GON4L: variants seen among roughly 807,000 people sequenced by gnomAD.
GON4L encodes GON-4-like protein.
GON4L carries 87 observed loss-of-function variants against 211.8 expected under a neutral mutation model. The observed-to-expected ratio is 0.41, with a 90% confidence interval of 0.35 to 0.49. The LOEUF (loss-of-function observed/expected upper bound fraction) is 0.49, where lower values mean the gene tolerates loss of function less well. Among genes scored for constraint, GON4L ranks in the 20% least tolerant of loss-of-function variants. The pLI, the probability that GON4L is intolerant of heterozygous loss-of-function variation, is 0.15. For missense variants in GON4L, 2,155 were observed against 2,659.5 expected (o/e 0.81, Z 4.17); for synonymous variants, 875 against 962.6 (o/e 0.91, Z 1.68).
chr1:155,836,254 T>G (rs1465718357), intron 2 of GON4L, among the ~76,000 whole-genome samples: 1 of 149,510 alleles, frequency 6.7e-6, no homozygotes, highest in African/African-American at 2.5e-5. Flanking sequence ...TTTTCGTTTT[T>G]TTTTTTTTTT....
chr1:155,765,804 A>T lies in GON4L; in HGVS notation c.3669T>A (p.Asp1223Glu). ...VNLPIPSTPEDKAHVNVDIAC... is the reference protein window; with the variant it reads ...VNLPIPSTPEEKAHVNVDIAC... ...CAATGTCCACATTCACGTGGGCCTT[A>T]TCTTCAGGGGTGGATGGTATAGGAA... The change falls in exon 21 of 32, where the codon GAT becomes GAA. Residue 1223 changes from aspartate to glutamate, a missense_variant. Physicochemically the swap from Asp to Glu is conservative, Grantham distance 45. This residue lies in a region of GON4L where 615 missense variants were observed against 625.7 expected (regional missense o/e 0.98). Coordinates refer to ENST00000368331, the MANE Select transcript of GON4L (RefSeq NM_001282860.2). 2 of 1,614,202 alleles carry T rather than the reference A, an allele frequency of 1.2e-6. No homozygotes were observed. Among genetic ancestry groups the T allele is most frequent in the South Asian group, 2.2e-5 (2 of 91,084 alleles).
chr1:155,820,366 C>A (rs1668623564), intron 6 of GON4L, among the ~76,000 whole-genome samples: 1 of 152,160 alleles, frequency 6.6e-6, no homozygotes, highest in Admixed American at 6.5e-5. Context: ...CTATTGATTT[C>A]AACTATTCCA....
At chr1:155,756,900 G>T in intron 27 of GON4L, 58 bp downstream of exon 27, 1 of 1,369,296 alleles carries the variant, frequency 7.3e-7, no homozygotes, top group Non-Finnish European at 1.0e-6. Context: ...CTGCACTCTA[G>T]TTTGGGTGAC....
At chr1:155,854,425 G>C (rs1672092027) in intron 1 of GON4L, among the ~76,000 whole-genome samples, 1 of 152,164 alleles carries the variant, frequency 6.6e-6, no homozygotes, top group Non-Finnish European at 1.5e-5. Flanking sequence ...AAAGTGCTGG[G>C]ATTACAGGCG....
chr1:155,829,066 T>C lies in GON4L; in HGVS notation c.506-2038A>G, dbSNP rs564937375. 2.6e-5 allele frequency among the ~76,000 whole-genome samples: 4 copies of C among 152,284 alleles called. No homozygotes were observed. In the East Asian group the frequency reaches 7.7e-4, roughly 29 times the overall value. On this transcript the variant is annotated intron_variant, in intron 2 of 31. Coordinates refer to ENST00000368331, the MANE Select transcript of GON4L (RefSeq NM_001282860.2). ...TTTCAAAACACATGGCCAGTCTTTA[T>C]ACTTGGGTCTCACTCTGTCGCCTAG...
chr1:155,826,976 G>A lies in GON4L; in HGVS notation c.558C>T (p.Ser186=). ...GCTGGCTTACTGGTTTTGCAGATTG[G>A]CTGCCTGATGGCAGGGAAGGTATCT... ...EGEIPSLPSG[S]QSAKPVSQPR... is the part of the protein sequence containing the mutation. The change falls in exon 3 of 32, where the codon AGC becomes AGT. Residue 186 remains serine, a synonymous_variant. Coordinates refer to ENST00000368331, the MANE Select transcript of GON4L (RefSeq NM_001282860.2). 1 of 1,613,966 alleles carries A rather than the reference G, an allele frequency of 6.2e-7. No individual in the cohort carries two copies. Among genetic ancestry groups the A allele is most frequent in the Non-Finnish European group, 8.5e-7 (1 of 1,179,824 alleles).
At chr1:155,858,487 C>T (rs1424213398), upstream of GON4L, among the ~76,000 whole-genome samples, 3 of 152,174 alleles carry the variant, frequency 2.0e-5, no homozygotes, top group African/African-American at 7.2e-5. Context: ...CCAAGGAAGA[C>T]TCCAGAAGCT....
intron 2 of GON4L, among the ~76,000 whole-genome samples, chr1:155,839,061 G>A (rs1003513663): frequency 3.3e-5 from 5 of 152,012 alleles, no homozygotes; most frequent in African/African-American, 1.2e-4. Context: ...TACCAAAGAA[G>A]ATGTGTTTTT....
intron 2 of GON4L, among the ~76,000 whole-genome samples, chr1:155,852,691 C>T (rs1026575481): frequency 2.0e-5 from 3 of 152,040 alleles, no homozygotes; most frequent in African/African-American, 4.8e-5. Flanking sequence ...TGCAGTGAGC[C>T]GAGACCACGC....
At chr1:155,748,320 C>T, downstream of GON4L, 1 of 1,421,782 alleles carries the variant, frequency 7.0e-7, no homozygotes, top group Middle Eastern at 2.4e-4. Context: ...TCCCCTGGGT[C>T]TCTCTGGTGT....
At chr1:155,789,840 T>C (rs1196605569) in intron 12 of GON4L, among the ~76,000 whole-genome samples, 5 of 151,862 alleles carry the variant, frequency 3.3e-5, no homozygotes, top group Non-Finnish European at 7.4e-5. Context: ...AATGATGTAG[T>C]ATTTGCATAT....
intron 29 of GON4L, 76 bp downstream of exon 29, chr1:155,753,128 G>C: frequency 9.0e-7 from 1 of 1,116,486 alleles, no homozygotes; most frequent in South Asian, 1.3e-5. Context: ...ATTTATCCAG[G>C]CTCATGGAGG....
intron 4 of GON4L, among the ~76,000 whole-genome samples, chr1:155,822,039 TGGAA>T (rs565620468): frequency 1.3e-3 from 197 of 152,288 alleles, no homozygotes; most frequent in African/African-American, 4.5e-3. Context: ...TGAAAATCAG[TGGAA>T]GGAAACAGGA....
At chr1:155,751,363 T>G (rs1459715559) in intron 31 of GON4L, among the ~76,000 whole-genome samples, 1 of 151,894 alleles carries the variant, frequency 6.6e-6, no homozygotes, top group Admixed American at 6.6e-5. Context: ...CTTGCCAACA[T>G]GGTGAAACCC....
chr1:155,813,326 G>C (rs778977377), intron 10 of GON4L, among the ~76,000 whole-genome samples: 1 of 151,846 alleles, frequency 6.6e-6, no homozygotes, highest in Non-Finnish European at 1.5e-5. Flanking sequence ...CACCTATTCG[G>C]GAGGCTGAGG....
chr1:155,795,111 C>T lies in GON4L; in HGVS notation c.1686G>A (p.Leu562=). The change falls in exon 12 of 32, where the codon CTG becomes CTA. Residue 562 remains leucine, a synonymous_variant. Coordinates refer to ENST00000368331, the MANE Select transcript of GON4L (RefSeq NM_001282860.2). Reference sequence around the variant, plus strand: ...CTGTGTCTGGTTCATCGAGGTCTTCCAGGAAATTATATTCTGGATCATCAT... The same window carrying T: ...CTGTGTCTGGTTCATCGAGGTCTTCTAGGAAATTATATTCTGGATCATCAT... ...DDDDDPEYNF[L]EDLDEPDTED... 1 of 1,610,740 alleles carries T rather than the reference C, an allele frequency of 6.2e-7. No homozygotes were observed. Among genetic ancestry groups the T allele is most frequent in the South Asian group, 1.1e-5 (1 of 91,010 alleles).
In GON4L at chr1:155,766,706, T is replaced by TG. The variant is rs1662530959; in HGVS notation, c.2766dup (p.Ser923GlnfsTer14). 6.2e-7 allele frequency: 1 copy of TG among 1,614,052 alleles called. No homozygotes were observed. The highest frequency in any genetic ancestry group is 1.3e-5 in the African/African-American group (1 of 74,934). The stretch of plus-strand genomic sequence containing the variant: ...AGTTCTTCCTGGATGGATGGCAGAC[T>TG]GGCCTATTGGAAACAAGAACACTCT... On this transcript the variant is annotated frameshift_variant, in exon 21 of 32. Coordinates refer to ENST00000368331, the MANE Select transcript of GON4L (RefSeq NM_001282860.2). LOFTEE classifies it high-confidence loss of function.
chr1:155,748,899 G>T, downstream of GON4L: 1 of 1,064,702 alleles, frequency 9.4e-7, no homozygotes, highest in Non-Finnish European at 1.4e-6. Context: ...CCCTTAAAAA[G>T]GATAAAAAGA....
At chr1:155,784,751 C>T (rs1006375568) in intron 13 of GON4L, 1 of 171,012 alleles carries the variant, frequency 5.8e-6, no homozygotes, top group Non-Finnish European at 1.3e-5. Context: ...ATTATTTGTA[C>T]ACAAAGTAGT....
Sources: allele counts gnomAD v4.1 joint callset (sites outside exome capture counted in the v4.1 genomes callset), GRCh38; gene constraint gnomAD v4.1.1; regional missense constraint gnomAD v4.1.1; transcripts MANE v1.5; gene names NCBI Gene and HGNC (gene_info 2026-07-23, HGNC 2026-07-21).